The following ACOT11 variants were observed in gnomAD, a reference collection of about 807,000 sequenced individuals.
ACOT11 encodes acyl-CoA thioesterase 11.
A neutral mutation model predicts 77.5 loss-of-function variants in ACOT11; 69 were observed. The ratio of observed to expected loss-of-function variants is 0.89; its 90% CI spans 0.73 to 1.09. ACOT11 has a LOEUF of 1.09. Ranked by LOEUF, ACOT11 falls within the 50% of genes least tolerant of loss-of-function variation. The probability of loss-of-function intolerance (pLI) is 0.00; values close to 1 mark genes in which losing one functional copy is unlikely to be tolerated. For synonymous variants in ACOT11, 279 were observed against 313.0 expected, an observed-to-expected ratio of 0.89 and a Z score of 1.15; for missense variants, 766 against 813.7, an observed-to-expected ratio of 0.94 and a Z score of 0.71.
chr1:54,572,874 C>G (rs971615215), intron 1 of ACOT11: 3 of 964,468 alleles, frequency 3.1e-6, no homozygotes, highest in Middle Eastern at 5.3e-4. Context: ...GATTTCTGCA[C>G]CTGAGAGAGG....
chr1:54,564,444 C>T (rs868525281), intron 1 of ACOT11, among the ~76,000 whole-genome samples: 10 of 152,116 alleles, frequency 6.6e-5, no homozygotes, highest in Admixed American at 3.3e-4. Context: ...GTCTTATTTA[C>T]GACCTCTAGA....
downstream of ACOT11, chr1:54,612,604 C>G: frequency 6.2e-7 from 1 of 1,614,108 alleles, no homozygotes; most frequent in Middle Eastern, 1.6e-4. Flanking sequence ...ATCTTCTCCA[C>G]CATGGCTTGG....
chr1:54,558,110 G>A (rs1653328481), intron 1 of ACOT11, among the ~76,000 whole-genome samples: 2 of 152,078 alleles, frequency 1.3e-5, no homozygotes, highest in South Asian at 4.1e-4. Flanking sequence ...TACTTCACTC[G>A]TTCCCTCCAC....
intron 15 of ACOT11, among the ~76,000 whole-genome samples, chr1:54,629,404 G>C (rs1372754208): frequency 7.9e-6 from 1 of 127,242 alleles, no homozygotes; most frequent in East Asian, 2.5e-4. Context: ...CTCCTGCCTC[G>C]GCCTCCTGAG....
At chr1:54,614,773 G>T (rs770058917), downstream of ACOT11, 4 of 1,614,114 alleles carry the variant, frequency 2.5e-6, no homozygotes, top group East Asian at 2.2e-5. Flanking sequence ...CATATGGGCC[G>T]CCGGACTTTG....
At chr1:54,593,190 AG>A (rs1654772854) in intron 4 of ACOT11, among the ~76,000 whole-genome samples, 1 of 152,208 alleles carries the variant, frequency 6.6e-6, no homozygotes, top group Non-Finnish European at 1.5e-5. Context: ...GGGAGCACTG[AG>A]GCTGGGTGAC....
chr1:54,592,911 C>T (rs2100988926), intron 4 of ACOT11, among the ~76,000 whole-genome samples: 1 of 152,306 alleles, frequency 6.6e-6, no homozygotes, highest in Admixed American at 6.5e-5. Context: ...GCCTCAGCAG[C>T]CAGGTTTTTG....
intron 1 of ACOT11, among the ~76,000 whole-genome samples, chr1:54,583,218 T>G (rs1177490334): frequency 6.6e-6 from 1 of 152,130 alleles, no homozygotes; most frequent in Non-Finnish European, 1.5e-5. Flanking sequence ...CTGCCTCCCC[T>G]TGGTGCCCAG....
Position 54,590,915 on chromosome 1 carries a change from C to T in ACOT11, c.312-1631C>T, listed in dbSNP as rs75107493. On this transcript the variant is annotated intron_variant, in intron 3 of 15. Transcript: ENST00000343744. ...AATTATAGGTGTGCCCTACCATGCT[C>T]AGCTTATTTATTTATTTATTGTATT... is the stretch of plus-strand genomic sequence containing the variant. Among the ~76,000 whole-genome samples the T allele has an allele frequency of 8.6e-3, 1,310 of 152,200 alleles. 20 individuals carry two copies. Among genetic ancestry groups the T allele is most frequent in the African/African-American group, 0.03 (1,225 of 41,508 alleles).
At chr1:54,612,302 G>A (rs1381304992), downstream of ACOT11, among the ~76,000 whole-genome samples, 2 of 151,758 alleles carry the variant, frequency 1.3e-5, no homozygotes, top group African/African-American at 4.8e-5. Context: ...GGCTCTCTTG[G>A]GAGGTAGTGA....
Position 54,554,356 on chromosome 1 carries a change from T to A in ACOT11, c.33+6014T>A, listed in dbSNP as rs1035953673. 8.5e-3 allele frequency among the ~76,000 whole-genome samples: 1,062 copies of A among 125,424 alleles called. 35 individuals are homozygous for A. The highest frequency in any genetic ancestry group is 0.018 in the East Asian group (75 of 4,238). The allele number at this position is 125,424 out of a possible 152,430, so 82.3% of individuals were successfully genotyped here. On this transcript the variant is annotated intron_variant, in intron 1 of 15. Transcript: ENST00000343744. ...GTGTATATATATATATATATATTTT[T>A]TTTTTTTTTTTTTGAGATGGAGTCC... is the stretch of plus-strand genomic sequence containing the variant.
downstream of ACOT11, chr1:54,610,899 G>T: frequency 1.0e-6 from 1 of 985,376 alleles, no homozygotes; most frequent in Non-Finnish European, 1.2e-6. Flanking sequence ...CTGGGTTCGG[G>T]GTCAAGGGAA....
intron 1 of ACOT11, among the ~76,000 whole-genome samples, chr1:54,568,197 T>C (rs1434532173): frequency 6.6e-6 from 1 of 152,164 alleles, no homozygotes; most frequent in African/African-American, 2.4e-5. Flanking sequence ...GGAAGCCTCT[T>C]TGATTACACA....
rs141481354 is a variant in ACOT11, at chr1:54,628,600, C to T, written c.1630-2134C>T. ...TCAGAGCAAGACCCCATCGCCCCCCCCCCCCAAAAAAGGAAAAAAGAAACC... is the reference window on the plus strand; with the variant it reads ...TCAGAGCAAGACCCCATCGCCCCCCTCCCCCAAAAAAGGAAAAAAGAAACC... On this transcript the variant is annotated intron_variant, in intron 15 of 16. Coordinates refer to the ACOT11 transcript ENST00000371316. Among the ~76,000 whole-genome samples the T allele has an allele frequency of 4.9e-5, 6 of 123,244 alleles. 1 individual carries two copies. The highest frequency in any genetic ancestry group is 1.7e-4 in the Admixed American group (2 of 11,954). 80.9% of individuals were successfully genotyped at this position (123,244 alleles called of 152,430 possible).
intron 15 of ACOT11, chr1:54,619,964 G>A: frequency 1.2e-6 from 2 of 1,614,210 alleles, no homozygotes; most frequent in South Asian, 1.1e-5. Flanking sequence ...TCAGCAGGTA[G>A]TCCAGCATGT....
intron 16 of ACOT11, chr1:54,630,919 G>T (rs752891767): frequency 1.5e-6 from 1 of 673,986 alleles, no homozygotes; most frequent in Non-Finnish European, 2.8e-6. Flanking sequence ...AAGCGTCAGG[G>T]TAACAATGGG....
chr1:54,588,902 G>C (rs758373367), intron 3 of ACOT11, among the ~76,000 whole-genome samples: 3 of 152,138 alleles, frequency 2.0e-5, no homozygotes, highest in Non-Finnish European at 4.4e-5. Context: ...CATGGTTGGT[G>C]GCCAGGGAAG....
chr1:54,558,849 C>T (rs1653362291), intron 1 of ACOT11, among the ~76,000 whole-genome samples: 1 of 152,218 alleles, frequency 6.6e-6, no homozygotes, highest in Admixed American at 6.5e-5. Flanking sequence ...TCTTGCCTAC[C>T]TGCCTGTGAG....
intron 15 of ACOT11, among the ~76,000 whole-genome samples, chr1:54,619,418 A>G (rs1257869266): frequency 6.6e-6 from 1 of 151,984 alleles, no homozygotes; most frequent in African/African-American, 2.4e-5. Context: ...CTGAGCCTCT[A>G]TTTTTCTCCT....
Sources: allele counts gnomAD v4.1 joint callset (sites outside exome capture counted in the v4.1 genomes callset), GRCh38; gene constraint gnomAD v4.1.1; transcripts MANE v1.5; gene names NCBI Gene and HGNC (gene_info 2026-07-23, HGNC 2026-07-21).